The following CIMIP6 variants were observed in gnomAD, a reference collection of about 807,000 sequenced individuals.
The protein encoded by CIMIP6 is ciliary microtubule inner protein 6.
chr2:54,340,872 G>C, the CIMIP6 span, among the ~76,000 whole-genome samples: 1 of 152,152 alleles, frequency 6.6e-6, no homozygotes, highest in East Asian at 1.9e-4. Context: ...GGCTAAGGTG[G>C]GAGGATCACC....
chr2:54,370,665 T>A, the CIMIP6 span, among the ~76,000 whole-genome samples: 2 of 152,156 alleles, frequency 1.3e-5, no homozygotes, highest in Non-Finnish European at 2.9e-5. Flanking sequence ...AGCCTGTTGA[T>A]CTTTAGGAGA....
the CIMIP6 span, among the ~76,000 whole-genome samples, chr2:54,342,294 T>C: frequency 2.0e-5 from 3 of 152,334 alleles, no homozygotes; most frequent in Non-Finnish European, 4.4e-5. Context: ...TAGTTCTGAC[T>C]TTCCTGAACC....
At chr2:54,381,555 A>G in the CIMIP6 span, among the ~76,000 whole-genome samples, 1 of 152,254 alleles carries the variant, frequency 6.6e-6, no homozygotes, top group Non-Finnish European at 1.5e-5. Context: ...GTATACAGCT[A>G]GCGAGGAACA....
chr2:54,338,186 C>A, the CIMIP6 span, among the ~76,000 whole-genome samples: 2 of 152,070 alleles, frequency 1.3e-5, no homozygotes, highest in African/African-American at 4.8e-5. Context: ...GTAATCCCAA[C>A]ACTTTGGAAG....
chr2:54,358,549 A>G, the CIMIP6 span, among the ~76,000 whole-genome samples: 31 of 151,940 alleles, frequency 2.0e-4, no homozygotes, highest in African/African-American at 7.5e-4. Context: ...TTATAGGCAC[A>G]TGCCACCACG....
the CIMIP6 span, among the ~76,000 whole-genome samples, chr2:54,341,390 A>G: frequency 1.3e-5 from 2 of 152,188 alleles, no homozygotes; most frequent in Admixed American, 6.5e-5. Flanking sequence ...TCTTAGAATC[A>G]TAATTACCAA....
At chr2:54,331,704 T>C in the CIMIP6 span, among the ~76,000 whole-genome samples, 1 of 152,044 alleles carries the variant, frequency 6.6e-6, no homozygotes, top group Non-Finnish European at 1.5e-5. Context: ...TCAGAAACTC[T>C]ATGGCTGGGG....
At chr2:54,335,079 G>C in the CIMIP6 span, 1 of 1,410,934 alleles carries the variant, frequency 7.1e-7, no homozygotes, top group Non-Finnish European at 9.6e-7. Context: ...ATGCTGTTTT[G>C]CAGAATAATT....
At chr2:54,375,726 T>C in the CIMIP6 span, among the ~76,000 whole-genome samples, 1 of 152,226 alleles carries the variant, frequency 6.6e-6, no homozygotes, top group Non-Finnish European at 1.5e-5. Context: ...ACTTTTAAAA[T>C]ACATTATGAT....
At chr2:54,346,530 C>A in the CIMIP6 span, among the ~76,000 whole-genome samples, 2 of 152,146 alleles carry the variant, frequency 1.3e-5, no homozygotes, top group African/African-American at 4.8e-5. Flanking sequence ...TCATTTCCTC[C>A]ATCCAAACTT....
At chr2:54,357,836 C>T in the CIMIP6 span, among the ~76,000 whole-genome samples, 1 of 151,792 alleles carries the variant, frequency 6.6e-6, no homozygotes, top group African/African-American at 2.4e-5. Flanking sequence ...CTGCCTGCCT[C>T]TGCCTCCCAA....
the CIMIP6 span, among the ~76,000 whole-genome samples, chr2:54,381,557 C>T: frequency 2.6e-5 from 4 of 152,144 alleles, no homozygotes; most frequent in African/African-American, 9.7e-5. Flanking sequence ...ATACAGCTAG[C>T]GAGGAACAAA....
At chr2:54,374,998 ATGCTGGGTACCT>A in the CIMIP6 span, among the ~76,000 whole-genome samples, 2 of 152,224 alleles carry the variant, frequency 1.3e-5, no homozygotes, top group Non-Finnish European at 2.9e-5. Flanking sequence ...GTATTAATAA[ATGCTGGGTACCT>A]TTTTATGACA....
the CIMIP6 span, chr2:54,334,751 T>A: frequency 4.7e-6 from 5 of 1,071,326 alleles, no homozygotes; most frequent in Non-Finnish European, 6.8e-6. Context: ...AATCTTATTT[T>A]ACATAATTTT....
At chr2:54,379,353 G>T in the CIMIP6 span, among the ~76,000 whole-genome samples, 26 of 152,086 alleles carry the variant, frequency 1.7e-4, no homozygotes, top group Admixed American at 1.7e-3. Flanking sequence ...TTTTTCTCCA[G>T]TTCTCACTCT....
chr2:54,353,749 G>A, the CIMIP6 span, among the ~76,000 whole-genome samples: 1 of 152,260 alleles, frequency 6.6e-6, no homozygotes, highest in Non-Finnish European at 1.5e-5. Flanking sequence ...CCTTAACTCT[G>A]AAATTACCAC....
chr2:54,358,558 C>G, the CIMIP6 span, among the ~76,000 whole-genome samples: 1 of 152,022 alleles, frequency 6.6e-6, no homozygotes, highest in Non-Finnish European at 1.5e-5. Flanking sequence ...CATGCCACCA[C>G]GCCTGGCTTA....
At chr2:54,357,358 G>A in the CIMIP6 span, among the ~76,000 whole-genome samples, 69 of 152,186 alleles carry the variant, frequency 4.5e-4, 1 homozygote, top group African/African-American at 1.5e-3. Flanking sequence ...TAATTTTAAA[G>A]GTGTGATTTT....
chr2:54,339,370 A>G, the CIMIP6 span, among the ~76,000 whole-genome samples: 7 of 74,254 alleles, frequency 9.4e-5, 3 homozygotes, highest in Non-Finnish European at 1.7e-4. Context: ...TGGTATATAA[A>G]GGTTCTGAGA....
Sources: allele counts gnomAD v4.1 joint callset (sites outside exome capture counted in the v4.1 genomes callset), GRCh38; gene constraint gnomAD v4.1.1; transcripts MANE v1.5; gene names NCBI Gene and HGNC (gene_info 2026-07-23, HGNC 2026-07-21).